Variants in NPAS3 observed in about 807,000 individuals in gnomAD.
The protein encoded by NPAS3 is neuronal PAS domain protein 3, also known as neuronal PAS domain-containing protein 3.
A neutral mutation model predicts 73.1 loss-of-function variants in NPAS3; 14 were observed. The ratio of observed to expected loss-of-function variants is 0.19; its 90% confidence interval spans 0.13 to 0.30. The LOEUF is 0.30. Among genes scored for constraint, NPAS3 ranks in the 10% least tolerant of loss-of-function variants. The pLI is 1.00. For missense variants in NPAS3, 1,096 were observed against 1,250.0 expected (o/e 0.88, Z 1.86); for synonymous variants, 620 against 541.5 (o/e 1.14, Z -2.01).
intron 5 of NPAS3, among the ~76,000 whole-genome samples, chr14:33,590,189 G>A (rs1176928007): frequency 2.0e-5 from 3 of 152,120 alleles, no homozygotes; most frequent in Non-Finnish European, 2.9e-5. Flanking sequence ...GGCAGAAAAA[G>A]ATGGTCACCA....
chr14:33,111,426 A>T (rs968817807), intron 2 of NPAS3, among the ~76,000 whole-genome samples: 2 of 152,186 alleles, frequency 1.3e-5, no homozygotes, highest in African/African-American at 2.4e-5. Flanking sequence ...GGAATTATTT[A>T]AAAAATAGCC....
At chr14:33,685,328 A>C (rs2060060129) in intron 6 of NPAS3, among the ~76,000 whole-genome samples, 1 of 152,154 alleles carries the variant, frequency 6.6e-6, no homozygotes, top group South Asian at 2.1e-4. Flanking sequence ...TCAGGCTTAA[A>C]ACTTCAACCC....
chr14:33,768,219 A>G (rs2062527707), intron 7 of NPAS3, among the ~76,000 whole-genome samples: 1 of 152,192 alleles, frequency 6.6e-6, no homozygotes, highest in Non-Finnish European at 1.5e-5. Context: ...GTTTAGAAAA[A>G]TATGAGCTTT....
intron 5 of NPAS3, among the ~76,000 whole-genome samples, chr14:33,604,546 TAGAC>T (rs1217910458): frequency 6.6e-6 from 1 of 152,130 alleles, no homozygotes; most frequent in African/African-American, 2.4e-5. Flanking sequence ...CCCTTTCTCA[TAGAC>T]AGAAAGTCAG....
At chr14:33,735,467 C>T in intron 7 of NPAS3, 135 bp downstream of exon 7, 1 of 678,714 alleles carries the variant, frequency 1.5e-6, no homozygotes, top group East Asian at 2.5e-5. Context: ...TCCCAGTCAT[C>T]TTCCTGTCTC....
intron 2 of NPAS3, among the ~76,000 whole-genome samples, chr14:33,195,557 C>T (rs12432349): frequency 0.21 from 32,108 of 152,138 alleles, 3,840 homozygotes; most frequent in South Asian, 0.38. Context: ...CATGAGCCAC[C>T]ATGCCTGGCC....
chr14:33,260,060 G>T (rs936610942), intron 3 of NPAS3, among the ~76,000 whole-genome samples: 1 of 152,096 alleles, frequency 6.6e-6, no homozygotes, highest in Non-Finnish European at 1.5e-5. Context: ...CATTTTGTTG[G>T]CCCTGGCAAC....
At chr14:33,074,314 A>G (rs1488946924) in intron 2 of NPAS3, among the ~76,000 whole-genome samples, 1 of 152,194 alleles carries the variant, frequency 6.6e-6, no homozygotes, top group African/African-American at 2.4e-5. Flanking sequence ...TATCAAACAG[A>G]TGAATTTAAA....
intron 6 of NPAS3, among the ~76,000 whole-genome samples, chr14:33,713,659 C>T (rs1393678266): frequency 6.6e-6 from 1 of 152,232 alleles, no homozygotes; most frequent in Non-Finnish European, 1.5e-5. Context: ...ACCACCATCT[C>T]ACCCTGCACT....
At chr14:33,364,551 T>C (rs533082790) in intron 3 of NPAS3, among the ~76,000 whole-genome samples, 1 of 152,262 alleles carries the variant, frequency 6.6e-6, no homozygotes, top group African/African-American at 2.4e-5. Context: ...GACATAAAAA[T>C]GCCATCGAAT....
intron 1 of NPAS3, among the ~76,000 whole-genome samples, chr14:32,975,713 C>T (rs373747699): frequency 1.3e-5 from 2 of 152,036 alleles, no homozygotes; most frequent in African/African-American, 4.8e-5. Context: ...CTTTATAGTC[C>T]AACAGATCAT....
intron 4 of NPAS3, among the ~76,000 whole-genome samples, chr14:33,414,011 T>C (rs2048042060): frequency 6.6e-6 from 1 of 152,212 alleles, no homozygotes; most frequent in Non-Finnish European, 1.5e-5. Context: ...TGATGGTTCT[T>C]TCTCTTTCCT....
At position 33,586,749 on chromosome 14, in the gene NPAS3, G is replaced by A. The variant is rs192019684; in HGVS notation, c.558+26539G>A. Among the ~76,000 whole-genome samples the A allele has an allele frequency of 3.0e-4, 46 of 152,260 alleles. No individual in the cohort carries two copies. In the East Asian group the frequency reaches 3.9e-3, roughly 13 times the overall value. On this transcript the variant is annotated intron_variant, in intron 5 of 11. Coordinates refer to ENST00000356141, the Ensembl canonical transcript of NPAS3. ...TAAAATAAAGTAGGTGAACAAACAC[G>A]TATGTTTCGACTTTATTTGGCATTG...
chr14:33,482,768 G>A (rs984973929), intron 4 of NPAS3, among the ~76,000 whole-genome samples: 4 of 151,920 alleles, frequency 2.6e-5, no homozygotes, highest in Admixed American at 1.3e-4. Flanking sequence ...CCCACTGCTT[G>A]TCACTCATGA....
intron 5 of NPAS3, among the ~76,000 whole-genome samples, chr14:33,648,802 A>G (rs886157845): frequency 2.6e-5 from 4 of 152,146 alleles, no homozygotes; most frequent in Admixed American, 6.5e-5. Context: ...GTCCATCATC[A>G]CCAGTGAAGC....
intron 2 of NPAS3, among the ~76,000 whole-genome samples, chr14:33,104,051 A>G (rs1023275384): frequency 6.6e-6 from 1 of 152,188 alleles, no homozygotes; most frequent in African/African-American, 2.4e-5. Context: ...GGAACATGAA[A>G]GGAGAAAGGC....
chr14:33,787,788 T>C lies in NPAS3; in HGVS notation c.1154-6109T>C, dbSNP rs17101885. Among the ~76,000 whole-genome samples, 1,168 of 152,298 alleles carry C rather than the reference T, an allele frequency of 7.7e-3. 10 individuals carry two copies. The highest frequency in any genetic ancestry group is 0.027 in the African/African-American group (1,115 of 41,546). On this transcript the variant is annotated intron_variant, in intron 9 of 11. Transcript: ENST00000356141. Reference sequence around the variant, plus strand: ...AAGCACTTAATGCAGTTTCTGGCTATAATTGTGTTTCTCCTGTGGGTTTTG... The same window carrying C: ...AAGCACTTAATGCAGTTTCTGGCTACAATTGTGTTTCTCCTGTGGGTTTTG...
intron 5 of NPAS3, chr14:33,611,193 G>A (rs1401836625): frequency 1.3e-5 from 2 of 152,122 alleles, no homozygotes; most frequent in Admixed American, 1.3e-4. Context: ...CACAGCACCA[G>A]GATTATTGTA....
intron 3 of NPAS3, among the ~76,000 whole-genome samples, chr14:33,221,438 T>G (rs1460042007): frequency 1.3e-5 from 2 of 152,152 alleles, no homozygotes; most frequent in African/African-American, 4.8e-5. Flanking sequence ...TACTTGTGTA[T>G]TGTTTTTATC....
Sources: allele counts gnomAD v4.1 joint callset (sites outside exome capture counted in the v4.1 genomes callset), GRCh38; gene constraint gnomAD v4.1.1; transcripts MANE v1.5; gene names NCBI Gene and HGNC (gene_info 2026-07-23, HGNC 2026-07-21).